NUP155: variants seen among roughly 807,000 people sequenced by gnomAD.
NUP155 encodes nuclear pore complex protein Nup155.
In NUP155, 71 loss-of-function variants were observed where a neutral mutation model predicts 180.4. The observed-to-expected ratio is 0.39, with a 90% CI of 0.33 to 0.48. The LOEUF is 0.48. Among genes scored for constraint, NUP155 ranks in the 20% least tolerant of loss-of-function variants. The pLI is 0.91. For synonymous variants in NUP155, 582 were observed against 559.5 expected (o/e 1.04, Z -0.57); for missense variants, 1,553 against 1,648.9 (o/e 0.94, Z 1.01).
chr5:37,332,663 A>G (rs1174574710), intron 13 of NUP155, among the ~76,000 whole-genome samples: 6 of 152,126 alleles, frequency 3.9e-5, no homozygotes, highest in Non-Finnish European at 7.3e-5. Flanking sequence ...CAACTATGAC[A>G]TATTTCAAAT....
chr5:37,323,963 A>G (rs1199645746), intron 20 of NUP155, 29 bp downstream of exon 20: 4 of 1,404,368 alleles, frequency 2.8e-6, no homozygotes, highest in Non-Finnish European at 4.0e-6. Flanking sequence ...AAAGAAAAAG[A>G]TGAATTAATA....
intron 3 of NUP155, among the ~76,000 whole-genome samples, chr5:37,359,293 G>A (rs12520330): frequency 6.6e-6 from 1 of 151,858 alleles, no homozygotes; most frequent in East Asian, 1.9e-4. Flanking sequence ...GGATGAACTA[G>A]AAAAATAGGG....
Position 37,362,943 on chromosome 5 carries a change from C to T in NUP155, c.392+945G>A, listed in dbSNP as rs888822187. ...TGTTGTTGTTTCTGAGATGGAGTCT[C>T]GCTCTGTCACTCAGGCTGGAGTGCA... On this transcript the variant is annotated intron_variant, in intron 3 of 34. Coordinates refer to ENST00000231498, the MANE Select transcript of NUP155 (RefSeq NM_153485.3). Among the ~76,000 whole-genome samples the T allele has an allele frequency of 2.6e-5, 4 of 152,116 alleles. No individual in the cohort carries two copies. In the South Asian group the frequency reaches 8.3e-4, roughly 31 times the overall value.
chr5:37,304,924 A>T, intron 26 of NUP155, 81 bp from the exon 27 acceptor site: 1 of 1,496,374 alleles, frequency 6.7e-7, no homozygotes, highest in South Asian at 1.1e-5. Context: ...TATAAACTCC[A>T]GTAAGAAATC....
chr5:37,336,729 T>TA (rs1303167006), intron 12 of NUP155, among the ~76,000 whole-genome samples: 1 of 152,182 alleles, frequency 6.6e-6, no homozygotes, highest in Non-Finnish European at 1.5e-5. Context: ...AGGCACTCCT[T>TA]ACCTCCTTAT....
At chr5:37,363,041 G>C (rs1008811093) in intron 3 of NUP155, among the ~76,000 whole-genome samples, 8 of 152,024 alleles carry the variant, frequency 5.3e-5, no homozygotes, top group African/African-American at 1.9e-4. Flanking sequence ...GCTCCCGAGT[G>C]GCTGGGACTA....
rs1308960329 is a variant in NUP155 at position 37,296,074 on chromosome 5, G to A, written c.3794-1609C>T. Among the ~76,000 whole-genome samples, 17 of 148,868 alleles carry A rather than the reference G, an allele frequency of 1.1e-4. 1 individual carries two copies. The highest frequency in any genetic ancestry group is 7.5e-5 in the Non-Finnish European group (5 of 67,020). On this transcript the variant is annotated intron_variant, in intron 32 of 34. Coordinates refer to ENST00000231498, the MANE Select transcript of NUP155 (RefSeq NM_153485.3). ...AGGTGGGGGGGTCAGCCCCCCGCCCGGCCAGCCGCCCCGTCCGGGAGGTGA... is the reference window on the plus strand; with the variant it reads ...AGGTGGGGGGGTCAGCCCCCCGCCCAGCCAGCCGCCCCGTCCGGGAGGTGA...
intron 4 of NUP155, among the ~76,000 whole-genome samples, chr5:37,356,185 C>T (rs960730120): frequency 4.1e-5 from 6 of 145,268 alleles, no homozygotes; most frequent in Admixed American, 3.5e-4. Context: ...GCCGAGATCA[C>T]GCCATTACAC....
At chr5:37,292,494 T>A (rs142820519) in intron 34 of NUP155, among the ~76,000 whole-genome samples, 2,231 of 152,142 alleles carry the variant, frequency 0.015, 63 homozygotes, top group African/African-American at 0.052. Context: ...GGATTACAGG[T>A]GTGAGCCACC....
At chr5:37,357,208 C>T (rs997368786) in intron 4 of NUP155, among the ~76,000 whole-genome samples, 2 of 151,864 alleles carry the variant, frequency 1.3e-5, no homozygotes, top group South Asian at 4.1e-4. Context: ...GAGTTCAAGA[C>T]CAGCCTGGGC....
At chr5:37,356,229 C>CA (rs35469429) in intron 4 of NUP155, among the ~76,000 whole-genome samples, 34,016 of 91,246 alleles carry the variant, frequency 0.37, 5,143 homozygotes, top group Middle Eastern at 0.47. Context: ...AATTCCATCT[C>CA]AAAAAAAAAA....
At chr5:37,304,604 T>A (rs1422311478) in intron 27 of NUP155, 135 bp downstream of exon 27, 8 of 701,492 alleles carry the variant, frequency 1.1e-5, no homozygotes, top group Non-Finnish European at 2.0e-5. Context: ...GATACTGCAT[T>A]ACTCAGCTTT....
chr5:37,353,007 T>G (rs1472297416), intron 4 of NUP155, among the ~76,000 whole-genome samples, 178 bp from the exon 5 acceptor site: 2 of 152,116 alleles, frequency 1.3e-5, no homozygotes, highest in Non-Finnish European at 2.9e-5. Context: ...TAAGTAAATT[T>G]TGAATGTCAT....
intron 27 of NUP155, 24 bp downstream of exon 27, chr5:37,304,715 C>T (rs1311839065): frequency 6.9e-7 from 1 of 1,451,402 alleles, no homozygotes; most frequent in Non-Finnish European, 9.7e-7. Context: ...ATAATTAACA[C>T]AACTGCAATA....
At chr5:37,321,315 C>A (rs1744228356) in intron 20 of NUP155, among the ~76,000 whole-genome samples, 1 of 152,128 alleles carries the variant, frequency 6.6e-6, no homozygotes, top group African/African-American at 2.4e-5. Context: ...CACTGCATTG[C>A]AGCCTGGGCG....
chr5:37,359,814 T>C (rs547404817), intron 3 of NUP155, among the ~76,000 whole-genome samples: 1 of 152,290 alleles, frequency 6.6e-6, no homozygotes, highest in African/African-American at 2.4e-5. Context: ...CTATGAACTA[T>C]ACATATAGGC....
At chr5:37,337,159 G>A (rs971833167) in intron 12 of NUP155, among the ~76,000 whole-genome samples, 2 of 152,072 alleles carry the variant, frequency 1.3e-5, no homozygotes, top group African/African-American at 4.8e-5. Flanking sequence ...GGGGCAGTTC[G>A]TGGGTTCATA....
chr5:37,348,418 G>C (rs1009945451), intron 9 of NUP155, 87 bp downstream of exon 9: 3 of 870,488 alleles, frequency 3.4e-6, no homozygotes, highest in Non-Finnish European at 6.0e-6. Context: ...ATTTTGATGA[G>C]GGAATAATAT....
intron 3 of NUP155, 41 bp from the exon 4 acceptor site, chr5:37,358,192 A>G (rs1280794954): frequency 2.1e-6 from 3 of 1,408,608 alleles, no homozygotes; most frequent in Non-Finnish European, 3.0e-6. Flanking sequence ...CATATAAAGC[A>G]AATAGGCCAG....
Sources: gnomAD v4.1 joint callset for allele counts (sites outside exome capture counted in the v4.1 genomes callset) on GRCh38, gnomAD v4.1.1 for gene constraint, MANE v1.5 for transcripts, NCBI Gene and HGNC (gene_info 2026-07-23, HGNC 2026-07-21) for gene names.